The following RAI2 variants were observed in gnomAD, a reference collection of about 807,000 sequenced individuals.
RAI2 encodes retinoic acid induced 2.
RAI2 carries 5 observed loss-of-function variants against 15.3 expected under a neutral mutation model. The observed-to-expected ratio is 0.33, with a 90% CI of 0.17 to 0.69. The LOEUF is 0.69. Ranked by LOEUF, RAI2 falls within the 30% of genes least tolerant of loss-of-function variation. The pLI, the probability that RAI2 is intolerant of heterozygous loss-of-function variation, is 0.69. For missense variants in RAI2, 424 were observed against 424.7 expected, an observed-to-expected ratio of 1.00 and a Z score of 0.01; for synonymous variants, 191 against 184.0, an observed-to-expected ratio of 1.04 and a Z score of -0.31.
At chrX:17,817,817 A>G (rs1015257233) in intron 1 of RAI2, among the ~76,000 whole-genome samples, 5 of 112,458 alleles carry the variant, frequency 4.4e-5, no homozygotes, top group South Asian at 3.7e-4. Flanking sequence ...TTCTCCCCAC[A>G]CTGGATTTTC....
chrX:17,822,737 T>A (rs780512628), intron 1 of RAI2, among the ~76,000 whole-genome samples: 4 of 112,448 alleles, frequency 3.6e-5, no homozygotes, highest in Non-Finnish European at 7.5e-5. Flanking sequence ...TCTAAAAGTA[T>A]GCAGATGTGA....
At chrX:17,859,079 C>G (rs774715164) in intron 1 of RAI2, among the ~76,000 whole-genome samples, 1 of 111,459 alleles carries the variant, frequency 9.0e-6, no homozygotes, top group Admixed American at 9.5e-5. Context: ...GGCAGAGAAA[C>G]TGGGATGCCA....
intron 1 of RAI2, among the ~76,000 whole-genome samples, chrX:17,854,791 T>C (rs1425510284): frequency 8.9e-6 from 1 of 112,035 alleles, no homozygotes; most frequent in African/African-American, 3.2e-5. Flanking sequence ...TGTCGGATTC[T>C]TCCTGTGCTC....
intron 1 of RAI2, among the ~76,000 whole-genome samples, chrX:17,828,832 C>T (rs1486925475): frequency 3.6e-5 from 4 of 111,563 alleles, no homozygotes; most frequent in Non-Finnish European, 7.5e-5. Flanking sequence ...GGGATTATCA[C>T]TCCGCTTTTC....
intron 1 of RAI2, among the ~76,000 whole-genome samples, chrX:17,812,112 A>G (rs778053138): frequency 2.7e-5 from 3 of 111,654 alleles, no homozygotes; most frequent in Non-Finnish European, 5.6e-5. Flanking sequence ...CTGTCGATAC[A>G]GTCTTCATCT....
intron 1 of RAI2, among the ~76,000 whole-genome samples, chrX:17,805,454 C>T (rs900087991): frequency 2.7e-5 from 3 of 112,634 alleles, no homozygotes; most frequent in Non-Finnish European, 5.6e-5. Flanking sequence ...CTTGAGGGGC[C>T]TCCATCCTCT....
At chrX:17,838,255 C>T (rs188460424) in intron 1 of RAI2, among the ~76,000 whole-genome samples, 2 of 112,260 alleles carry the variant, frequency 1.8e-5, no homozygotes, top group African/African-American at 3.2e-5. Flanking sequence ...TATGATTATA[C>T]GGGTGAATAC....
chrX:17,809,612 A>C (rs2067020563), intron 1 of RAI2, among the ~76,000 whole-genome samples: 1 of 111,450 alleles, frequency 9.0e-6, no homozygotes, highest in Non-Finnish European at 1.9e-5. Context: ...TGTGTGTGTT[A>C]AGGGGAGTGC....
At chrX:17,854,372 C>G (rs2067572984) in intron 1 of RAI2, among the ~76,000 whole-genome samples, 1 of 112,199 alleles carries the variant, frequency 8.9e-6, no homozygotes, top group Non-Finnish European at 1.9e-5. Flanking sequence ...TTCAGAGAAT[C>G]TTAAGAACAG....
At chrX:17,852,307 G>A (rs2067545856) in intron 1 of RAI2, among the ~76,000 whole-genome samples, 1 of 111,820 alleles carries the variant, frequency 8.9e-6, no homozygotes, top group African/African-American at 3.3e-5. Context: ...ATCCCTCAAT[G>A]CTCACCTTTC....
At position 17,801,615 on chromosome X, in the gene RAI2, C is replaced by T. The variant is rs777641661; in HGVS notation, c.396G>A (p.Gln132=). 15 of 1,209,477 alleles carry T rather than the reference C, an allele frequency of 1.2e-5. No homozygotes were observed. In the East Asian group the frequency reaches 3.9e-4, roughly 31 times the overall value. The change falls in exon 2 of 2, where the codon CAG becomes CAA. Residue 132 remains glutamine (Q), a synonymous_variant. Coordinates refer to ENST00000451717, the MANE Select transcript of RAI2 (RefSeq NM_021785.6). The part of the protein sequence containing the change: ...LPVVLEQHVF[Q]HLNSPLVLPQ... ...GCAGGACCAGAGGGGAGTTGAGGTGCTGAAAGACGTGCTGCTCCAGCACCA... is the reference window on the plus strand; with the variant it reads ...GCAGGACCAGAGGGGAGTTGAGGTGTTGAAAGACGTGCTGCTCCAGCACCA...
intron 1 of RAI2, among the ~76,000 whole-genome samples, chrX:17,843,501 A>G (rs1419865105): frequency 1.8e-5 from 2 of 112,359 alleles, no homozygotes; most frequent in Non-Finnish European, 3.8e-5. Flanking sequence ...ATGTCTTGAT[A>G]CAGTGGATTC....
chrX:17,802,109 T>G (rs1175002487), intron 1 of RAI2, 75 bp from the exon 2 acceptor site: 2 of 1,095,869 alleles, frequency 1.8e-6, no homozygotes, highest in African/African-American at 3.7e-5. Context: ...CTCTCACATC[T>G]TTAGAAAGTT....
At chrX:17,819,320 C>A (rs2067140046) in intron 1 of RAI2, among the ~76,000 whole-genome samples, 2 of 112,406 alleles carry the variant, frequency 1.8e-5, no homozygotes, top group Non-Finnish European at 3.8e-5. Context: ...ATTACAACAG[C>A]TAAACATTTA....
chrX:17,830,504 GT>G (rs1336243112), intron 1 of RAI2, among the ~76,000 whole-genome samples: 126 of 99,436 alleles, frequency 1.3e-3, no homozygotes, highest in African/African-American at 3.5e-3. Flanking sequence ...TTTTGTTGTT[GT>G]TTTTTTTTTT....
chrX:17,838,361 C>T (rs1293634768), intron 1 of RAI2, among the ~76,000 whole-genome samples: 1 of 111,797 alleles, frequency 8.9e-6, no homozygotes, highest in Non-Finnish European at 1.9e-5. Flanking sequence ...GTAAGATAGA[C>T]TAATATAACA....
intron 1 of RAI2, among the ~76,000 whole-genome samples, chrX:17,853,563 C>G (rs2067562601): frequency 9.0e-6 from 1 of 110,760 alleles, no homozygotes; most frequent in Non-Finnish European, 1.9e-5. Flanking sequence ...GTGCATGGGA[C>G]AGTCCCCTGC....
At chrX:17,838,952 C>A (rs1006897818) in intron 1 of RAI2, among the ~76,000 whole-genome samples, 1 of 112,453 alleles carries the variant, frequency 8.9e-6, no homozygotes, top group Admixed American at 9.4e-5. Flanking sequence ...GCAGCCCCTG[C>A]CCTCTCAGGG....
chrX:17,859,655 C>T (rs766092066), intron 1 of RAI2, among the ~76,000 whole-genome samples: 2 of 112,849 alleles, frequency 1.8e-5, no homozygotes, highest in African/African-American at 6.4e-5. Flanking sequence ...TCCTTAAAAA[C>T]GCCAGATGAG....
Sources: allele counts gnomAD v4.1 joint callset (sites outside exome capture counted in the v4.1 genomes callset), GRCh38; gene constraint gnomAD v4.1.1; transcripts MANE v1.5; gene names NCBI Gene and HGNC (gene_info 2026-07-23, HGNC 2026-07-21).